The following FTO variants were observed in gnomAD, a reference collection of about 807,000 sequenced individuals.
FTO encodes alpha-ketoglutarate-dependent dioxygenase FTO.
Under a neutral mutation model 63.9 loss-of-function variants are expected in FTO, and 47 were observed. The ratio of observed to expected loss-of-function variants is 0.74; its 90% CI spans 0.58 to 0.94. FTO has a LOEUF of 0.94. Among genes scored for constraint, FTO ranks in the 40% least tolerant of loss-of-function variants. The probability of loss-of-function intolerance (pLI) is 0.00; values close to 1 mark genes in which losing one functional copy is unlikely to be tolerated. For synonymous variants in FTO, 207 were observed against 224.4 expected, an observed-to-expected ratio of 0.92 and a Z score of 0.69; for missense variants, 562 against 618.1, an observed-to-expected ratio of 0.91 and a Z score of 0.96.
intron 7 of FTO, among the ~76,000 whole-genome samples, chr16:53,891,791 G>T (rs776614373): frequency 1.4e-4 from 21 of 152,206 alleles, no homozygotes; most frequent in Non-Finnish European, 5.9e-5. Flanking sequence ...GAAGGTGGTG[G>T]CACATGCGTT....
intron 7 of FTO, among the ~76,000 whole-genome samples, chr16:53,901,696 T>A (rs1484107426): frequency 6.6e-6 from 1 of 152,142 alleles, no homozygotes; most frequent in East Asian, 1.9e-4. Context: ...TAAATGGCCG[T>A]TGTTCACTCT....
At chr16:54,040,543 G>A (rs1423552719) in intron 8 of FTO, 1 of 152,206 alleles carries the variant, frequency 6.6e-6, no homozygotes, top group Non-Finnish European at 1.5e-5. Context: ...TTCAGATTGT[G>A]AGCTAGGAAA....
At chr16:53,977,236 T>C (rs2083453164) in intron 8 of FTO, among the ~76,000 whole-genome samples, 1 of 152,186 alleles carries the variant, frequency 6.6e-6, no homozygotes, top group Non-Finnish European at 1.5e-5. Context: ...GGTTATCTAC[T>C]GAGATGATGA....
chr16:53,728,854 C>T (rs1410743850), intron 1 of FTO, among the ~76,000 whole-genome samples: 2 of 151,376 alleles, frequency 1.3e-5, no homozygotes, highest in Non-Finnish European at 2.9e-5. Flanking sequence ...CATCTGCCTC[C>T]TGGGTTCAAG....
chr16:53,956,831 T>G (rs1235094260), intron 8 of FTO: 1 of 151,658 alleles, frequency 6.6e-6, no homozygotes, highest in African/African-American at 2.4e-5. Context: ...CCAGGCTAAT[T>G]TTTTTTTATT....
intron 8 of FTO, among the ~76,000 whole-genome samples, chr16:53,951,044 A>C (rs1261363618): frequency 6.6e-6 from 1 of 152,232 alleles, no homozygotes; most frequent in East Asian, 1.9e-4. Context: ...ATATAGTGAT[A>C]ATATATTTGC....
intron 8 of FTO, among the ~76,000 whole-genome samples, chr16:54,005,078 A>G (rs1707429238): frequency 6.7e-6 from 1 of 149,146 alleles, no homozygotes; most frequent in South Asian, 2.1e-4. Context: ...TAAAAAAAAA[A>G]AAAAAAAAAA....
chr16:54,086,932 T>G (rs9937121), intron 8 of FTO, among the ~76,000 whole-genome samples: 2 of 152,000 alleles, frequency 1.3e-5, no homozygotes, highest in African/African-American at 4.8e-5. Context: ...CCGGCCCCCA[T>G]AAGGAAAAAG....
intron 8 of FTO, among the ~76,000 whole-genome samples, chr16:54,090,508 G>A (rs1292521192): frequency 1.5e-4 from 23 of 152,038 alleles, no homozygotes; most frequent in Admixed American, 1.3e-4. Context: ...CCACTGAACC[G>A]TATACTTAAA....
chr16:54,011,477 C>G (rs2084332495), intron 8 of FTO, among the ~76,000 whole-genome samples: 1 of 152,110 alleles, frequency 6.6e-6, no homozygotes, highest in Non-Finnish European at 1.5e-5. Flanking sequence ...CAGGTCATAT[C>G]CATCATTTCT....
chr16:53,819,185 A>T (rs949932691), intron 2 of FTO, among the ~76,000 whole-genome samples: 2 of 150,458 alleles, frequency 1.3e-5, no homozygotes, highest in African/African-American at 5.0e-5. Flanking sequence ...TACAGTTAAT[A>T]TTTATTTATT....
intron 8 of FTO, among the ~76,000 whole-genome samples, chr16:53,967,906 A>G (rs915475831): frequency 1.3e-5 from 2 of 152,128 alleles, no homozygotes; most frequent in Non-Finnish European, 2.9e-5. Context: ...GCAGGAATGG[A>G]GTTGTGTGGT....
rs1205351778 is a variant in FTO, at chr16:54,008,074, G to A, written c.1364+73965G>A. Reference sequence around the variant, plus strand: ...AGAATCAGGCAGACAATCCAAAGAAGCCACCTGCTCCTTTACAAGTTGTTG... The same window carrying A: ...AGAATCAGGCAGACAATCCAAAGAAACCACCTGCTCCTTTACAAGTTGTTG... On this transcript the variant is annotated intron_variant, in intron 8 of 8. Transcript: ENST00000471389. Among the ~76,000 whole-genome samples, 5 of 152,136 alleles carry A rather than the reference G, an allele frequency of 3.3e-5. No homozygotes were observed. In the East Asian group the frequency reaches 9.7e-4, roughly 29 times the overall value.
intron 3 of FTO, among the ~76,000 whole-genome samples, chr16:53,841,009 T>C (rs893035287): frequency 3.2e-5 from 4 of 123,912 alleles, no homozygotes; most frequent in Admixed American, 1.7e-4. Context: ...TGAACTCCAG[T>C]TTAGCAAATT....
chr16:53,731,187 G>C (rs533331709), intron 1 of FTO, among the ~76,000 whole-genome samples: 1 of 152,294 alleles, frequency 6.6e-6, no homozygotes, highest in East Asian at 1.9e-4. Context: ...GGAGAGTTCA[G>C]TAATGGGCAT....
chr16:53,771,430 C>G (rs989141870), intron 1 of FTO, among the ~76,000 whole-genome samples: 5 of 152,178 alleles, frequency 3.3e-5, no homozygotes, highest in Non-Finnish European at 1.5e-5. Context: ...ACTAGCATCA[C>G]TCTCCTGGAT....
At chr16:53,942,872 T>G (rs1188081543) in intron 8 of FTO, among the ~76,000 whole-genome samples, 1 of 152,176 alleles carries the variant, frequency 6.6e-6, no homozygotes, top group East Asian at 1.9e-4. Context: ...AGCTGGTTAG[T>G]TGGAAACTAG....
chr16:53,712,932 A>G (rs2075809644), intron 1 of FTO, among the ~76,000 whole-genome samples: 1 of 152,078 alleles, frequency 6.6e-6, no homozygotes. Flanking sequence ...GTCTCCAAAA[A>G]AGTAGAGATC....
chr16:53,715,352 C>T (rs1328419528), intron 1 of FTO, among the ~76,000 whole-genome samples: 3 of 152,066 alleles, frequency 2.0e-5, no homozygotes, highest in Non-Finnish European at 2.9e-5. Flanking sequence ...ATTCAGTCTG[C>T]GGTTTGTGCT....
Sources: gnomAD v4.1 joint callset for allele counts (sites outside exome capture counted in the v4.1 genomes callset) on GRCh38, gnomAD v4.1.1 for gene constraint, MANE v1.5 for transcripts, NCBI Gene and HGNC (gene_info 2026-07-23, HGNC 2026-07-21) for gene names.